Variants in SYNE1 observed in about 807,000 individuals in gnomAD.
The protein encoded by SYNE1 is spectrin repeat containing nuclear envelope protein 1.
In SYNE1, 616 loss-of-function variants were observed where a neutral mutation model predicts 1,111.0. The observed-to-expected ratio is 0.55, with a 90% CI of 0.52 to 0.59. The LOEUF is 0.59. Among genes scored for constraint, SYNE1 ranks in the 20% least tolerant of loss-of-function variants. The pLI is 0.00. For synonymous variants in SYNE1, 3,855 were observed against 3,825.8 expected (o/e 1.01, Z -0.28); for missense variants, 10,006 against 10,417.0 (o/e 0.96, Z 1.72).
chr6:152,510,121 T>G, intron 8 of SYNE1, 72 bp downstream of exon 8: 1 of 1,442,436 alleles, frequency 6.9e-7, no homozygotes. Flanking sequence ...TCGCAATCAT[T>G]AGAAGTTGCA....
chr6:152,589,399 A>G (rs2099551267), intron 3 of SYNE1, among the ~76,000 whole-genome samples: 2 of 152,168 alleles, frequency 1.3e-5, no homozygotes, highest in Admixed American at 6.5e-5. Flanking sequence ...CTTATTTTTT[A>G]TGGTGGCTTT....
intron 4 of SYNE1, among the ~76,000 whole-genome samples, chr6:152,538,167 G>A (rs1411350421): frequency 6.6e-6 from 1 of 152,098 alleles, no homozygotes; most frequent in Non-Finnish European, 1.5e-5. Flanking sequence ...AATCATAATT[G>A]TGCATAGCTG....
intron 39 of SYNE1, among the ~76,000 whole-genome samples, chr6:152,421,487 G>T (rs549799862): frequency 6.6e-6 from 1 of 151,962 alleles, no homozygotes; most frequent in African/African-American, 2.4e-5. Flanking sequence ...GGTAGAAATT[G>T]GGGGCTGAAG....
chr6:152,134,918 C>A (rs938515969), intron 142 of SYNE1, 186 bp downstream of exon 142: 11 of 668,564 alleles, frequency 1.6e-5, no homozygotes, highest in Non-Finnish European at 2.2e-5. Flanking sequence ...CAGATATCAT[C>A]TTCTATGCAC....
chr6:152,350,895 A>G (rs2096730626), intron 70 of SYNE1, 125 bp from the exon 71 acceptor site: 1 of 1,198,198 alleles, frequency 8.3e-7, no homozygotes, highest in Non-Finnish European at 1.2e-6. Context: ...TTATGAAGCA[A>G]TAGGTGCAAG....
rs775985842 is a variant in SYNE1 at position 152,278,134 on chromosome 6, C to G, written c.18528G>C (p.Leu6176=). 1 of 1,614,054 alleles carries G rather than the reference C, an allele frequency of 6.2e-7. No individual in the cohort carries two copies. Among genetic ancestry groups the G allele is most frequent in the South Asian group, 1.1e-5 (1 of 91,086 alleles). Residue 6176 remains leucine, a synonymous_variant, in exon 98 of 146, where the codon CTG becomes CTC. Transcript: ENST00000367255. ...CATGCAGGGCTCTCTGCAGCTCCAGCAGGCTCCCCTTGAGCCTTCTCAGCT... is the reference window on the plus strand; with the variant it reads ...CATGCAGGGCTCTCTGCAGCTCCAGGAGGCTCCCCTTGAGCCTTCTCAGCT... ...AGKLRRLKGS[L]LELQRALHDK...
chr6:152,280,232 T>G lies in SYNE1; in HGVS notation c.18381+1575A>C, dbSNP rs796341428. On this transcript the variant is annotated intron_variant, in intron 97 of 145. Transcript: ENST00000367255. The stretch of plus-strand genomic sequence containing the variant: ...GCTGGCTTATATGTAAGATTTTAAT[T>G]GAATCTAATTAAAATTTGAATTAAT... Among the ~76,000 whole-genome samples, 4 of 152,340 alleles carry G rather than the reference T, an allele frequency of 2.6e-5. No homozygotes were observed. The South Asian group carries it at 8.3e-4, about 32-fold the overall frequency.
rs367654671 is a variant in SYNE1, at chr6:152,167,538, C to T, written c.23628-3213G>A. 9.9e-4 allele frequency among the ~76,000 whole-genome samples: 151 copies of T among 152,246 alleles called. 1 individual carries two copies. Among genetic ancestry groups the T allele is most frequent in the African/African-American group, 3.5e-3 (147 of 41,540 alleles). ...AACATTTGCATAATGCACTAAATTACTATTTTAGACATTAATTTGTACACT... is the reference window on the plus strand; with the variant it reads ...AACATTTGCATAATGCACTAAATTATTATTTTAGACATTAATTTGTACACT... On this transcript the variant is annotated intron_variant, in intron 130 of 145. Transcript: ENST00000367255.
intron 127 of SYNE1, among the ~76,000 whole-genome samples, chr6:152,200,743 A>T (rs879410079): frequency 2.6e-5 from 4 of 152,164 alleles, no homozygotes; most frequent in Non-Finnish European, 4.4e-5. Flanking sequence ...TGCGCTTTTT[A>T]ATCTTTGTAA....
chr6:152,552,177 G>C (rs1310654957), intron 3 of SYNE1, among the ~76,000 whole-genome samples: 1 of 152,148 alleles, frequency 6.6e-6, no homozygotes, highest in Non-Finnish European at 1.5e-5. Flanking sequence ...TATATTTTAT[G>C]TCCAATATTT....
Position 152,331,296 on chromosome 6 carries a change from G to A in SYNE1, c.13389C>T (p.Phe4463=), listed in dbSNP as rs1427398854. ...SEKTQFLMAV[F]QATSQIQQHE... ...GTTGCTGAATTTGGCTGGTGGCCTG[G>A]AACACTGCCATGAGAAACTGGGTTT... Residue 4463 remains phenylalanine, a synonymous_variant, in exon 78 of 146, where the codon TTC becomes TTT. Coordinates refer to ENST00000367255, the MANE Select transcript of SYNE1 (RefSeq NM_182961.4). 1 of 1,614,096 alleles carries A rather than the reference G, an allele frequency of 6.2e-7. No homozygotes were observed. The highest frequency in any genetic ancestry group is 1.1e-5 in the South Asian group (1 of 91,074).
intron 145 of SYNE1, chr6:152,127,269 C>G (rs1389576063): frequency 6.6e-6 from 1 of 152,130 alleles, no homozygotes; most frequent in African/African-American, 2.4e-5. Context: ...GGGTTCAAAT[C>G]CTACATCTTT....
At position 152,135,159 on chromosome 6, in the gene SYNE1, G is replaced by T. The variant is rs761524026; in HGVS notation, c.25733C>A (p.Pro8578His). Reference protein sequence around the residue: ...NIDRRKNEIVPIDSNLDAEIL... With the variant: ...NIDRRKNEIVHIDSNLDAEIL... ...CTCTGCATCAAGGTTAGAATCAATA[G>T]GGACAATTTCATTTTTCCTTCTGTC... Residue 8578 changes from proline (P) to histidine (H), a missense_variant, in exon 142 of 146, where the codon CCT becomes CAT. Coordinates refer to ENST00000367255, the MANE Select transcript of SYNE1 (RefSeq NM_182961.4). The T allele has an allele frequency of 6.2e-7, 1 of 1,614,054 alleles. No homozygotes were observed. The highest frequency in any genetic ancestry group is 8.5e-7 in the Non-Finnish European group (1 of 1,180,004).
chr6:152,618,604 A>T (rs768796640), intron 3 of SYNE1, among the ~76,000 whole-genome samples: 1 of 152,206 alleles, frequency 6.6e-6, no homozygotes, highest in African/African-American at 2.4e-5. Context: ...ACTAAATATG[A>T]AAGATTAATA....
intron 40 of SYNE1, among the ~76,000 whole-genome samples, chr6:152,418,854 CTGCATAATAAGACAGCCT>C (rs2098209761): frequency 6.6e-6 from 1 of 152,194 alleles, no homozygotes; most frequent in Non-Finnish European, 1.5e-5. Flanking sequence ...GAAACTTTTT[CTGCATAATAAGACAGCCT>C]TTGTTCACAG....
intron 127 of SYNE1, among the ~76,000 whole-genome samples, chr6:152,190,335 C>A (rs2071875785): frequency 6.6e-6 from 1 of 152,200 alleles, no homozygotes; most frequent in Non-Finnish European, 1.5e-5. Flanking sequence ...CCACTGAAGT[C>A]TTGAACCCCC....
intron 100 of SYNE1, among the ~76,000 whole-genome samples, chr6:152,266,357 G>C (rs1292005383): frequency 6.6e-6 from 1 of 152,096 alleles, no homozygotes; most frequent in East Asian, 1.9e-4. Context: ...TGGGTTCTTT[G>C]TCAAAATATT....
chr6:152,348,749 T>A (rs1256277140), intron 72 of SYNE1, among the ~76,000 whole-genome samples: 1 of 99,780 alleles, frequency 1.0e-5, no homozygotes, highest in East Asian at 3.4e-4. Flanking sequence ...TTCTAGTGTT[T>A]TTTTTTTTTC....
intron 3 of SYNE1, among the ~76,000 whole-genome samples, chr6:152,584,505 G>A (rs531142761): frequency 2.0e-5 from 3 of 152,148 alleles, no homozygotes; most frequent in African/African-American, 7.2e-5. Flanking sequence ...CTGCAATGGC[G>A]CTGTCAGACC....
Sources: allele counts gnomAD v4.1 joint callset (sites outside exome capture counted in the v4.1 genomes callset), GRCh38; gene constraint gnomAD v4.1.1; transcripts MANE v1.5; gene names NCBI Gene and HGNC (gene_info 2026-07-23, HGNC 2026-07-21).